The following LOC400499 variants were observed in gnomAD, a reference collection of about 807,000 sequenced individuals.
At chr16:11,444,640 T>C in the LOC400499 span, among the ~76,000 whole-genome samples, 7 of 152,222 alleles carry the variant, frequency 4.6e-5, no homozygotes, top group African/African-American at 1.7e-4. Flanking sequence ...CTGCTCTGGA[T>C]CCTGGCATGC....
the LOC400499 span, among the ~76,000 whole-genome samples, chr16:11,504,338 T>C: frequency 1.3e-5 from 2 of 152,120 alleles, no homozygotes; most frequent in Non-Finnish European, 2.9e-5. Flanking sequence ...GGTGGATCAC[T>C]GGAAGTCAGG....
the LOC400499 span, among the ~76,000 whole-genome samples, chr16:11,513,821 A>G: frequency 8.1e-3 from 1,230 of 152,310 alleles, 19 homozygotes; most frequent in African/African-American, 0.028. Flanking sequence ...AGTGCTCAGC[A>G]CAGCAACTGG....
At chr16:11,474,298 C>G in the LOC400499 span, among the ~76,000 whole-genome samples, 1 of 152,196 alleles carries the variant, frequency 6.6e-6, no homozygotes, top group African/African-American at 2.4e-5. Context: ...TTTCTGGACA[C>G]TGAAATTTCA....
chr16:11,393,355 C>A, the LOC400499 span: 1 of 1,231,452 alleles, frequency 8.1e-7, no homozygotes, highest in Non-Finnish European at 1.0e-6. Context: ...GGGGCCGTGG[C>A]CCAGCTAGCT....
At chr16:11,394,069 G>T in the LOC400499 span, among the ~76,000 whole-genome samples, 37,493 of 152,070 alleles carry the variant, frequency 0.25, 4,970 homozygotes, top group African/African-American at 0.34. Flanking sequence ...TTTAATTGGT[G>T]TTGGGGGCCC....
At chr16:11,468,619 C>T in the LOC400499 span, among the ~76,000 whole-genome samples, 1 of 151,972 alleles carries the variant, frequency 6.6e-6, no homozygotes, top group Non-Finnish European at 1.5e-5. Flanking sequence ...AGCCGTCATA[C>T]CTGGCTTTTT....
the LOC400499 span, among the ~76,000 whole-genome samples, chr16:11,394,833 T>C: frequency 0.24 from 36,553 of 152,058 alleles, 4,650 homozygotes; most frequent in African/African-American, 0.32. Context: ...CCCTAGGACT[T>C]TGAGAGGGAG....
chr16:11,372,175 TCCCAGTGTGTCTAC>T, the LOC400499 span: 1 of 152,198 alleles, frequency 6.6e-6, no homozygotes, highest in African/African-American at 2.4e-5. Flanking sequence ...AAGCATTCAG[TCCCAGTGTGTCTAC>T]CCCAAAGAGA....
At chr16:11,418,118 A>G in the LOC400499 span, among the ~76,000 whole-genome samples, 6 of 152,196 alleles carry the variant, frequency 3.9e-5, no homozygotes, top group Non-Finnish European at 8.8e-5. Context: ...GGCTGGAGAA[A>G]GACTTTGGGA....
At chr16:11,470,088 T>C in the LOC400499 span, among the ~76,000 whole-genome samples, 2 of 152,254 alleles carry the variant, frequency 1.3e-5, no homozygotes, top group South Asian at 4.1e-4. Flanking sequence ...GTTGTTGTTA[T>C]TTTTGGTAGA....
the LOC400499 span, among the ~76,000 whole-genome samples, chr16:11,400,727 C>T: frequency 6.6e-6 from 1 of 152,170 alleles, no homozygotes; most frequent in African/African-American, 2.4e-5. Context: ...AGGCATGAGC[C>T]ACCACGTCCG....
At chr16:11,450,038 C>G in the LOC400499 span, among the ~76,000 whole-genome samples, 1 of 152,226 alleles carries the variant, frequency 6.6e-6, no homozygotes, top group African/African-American at 2.4e-5. Context: ...CCGCTCTTGA[C>G]TCCAACCTGG....
At chr16:11,405,397 A>G in the LOC400499 span, among the ~76,000 whole-genome samples, 2 of 152,184 alleles carry the variant, frequency 1.3e-5, 1 homozygote, top group Non-Finnish European at 2.9e-5. Flanking sequence ...CCAGGGAGAT[A>G]GTCGAGATAG....
the LOC400499 span, among the ~76,000 whole-genome samples, chr16:11,453,020 C>G: frequency 6.6e-6 from 1 of 152,114 alleles, no homozygotes; most frequent in Admixed American, 6.6e-5. Context: ...CACTTTTATT[C>G]CTGAGTTTTC....
At chr16:11,391,648 TCCCC>T in the LOC400499 span, 1 of 1,231,744 alleles carries the variant, frequency 8.1e-7, no homozygotes, top group South Asian at 4.1e-5. Flanking sequence ...GATTGAGCCC[TCCCC>T]CTCCCACACT....
chr16:11,435,036 G>A, the LOC400499 span, among the ~76,000 whole-genome samples: 1,565 of 152,298 alleles, frequency 0.01, 23 homozygotes, highest in African/African-American at 0.036. Context: ...GGGCTGCAAT[G>A]CTGCAATCTT....
the LOC400499 span, chr16:11,448,121 G>C: frequency 6.6e-7 from 1 of 1,510,064 alleles, no homozygotes. Context: ...GCAGGACCAA[G>C]CTGCAGACCT....
chr16:11,483,799 T>TG, the LOC400499 span, among the ~76,000 whole-genome samples: 1 of 151,452 alleles, frequency 6.6e-6, no homozygotes. Context: ...TGTTTGAGCC[T>TG]GGGGGGCAAA....
chr16:11,390,694 G>T, the LOC400499 span, among the ~76,000 whole-genome samples: 17 of 152,190 alleles, frequency 1.1e-4, 1 homozygote, highest in Admixed American at 1.1e-3. Flanking sequence ...AACTTGGATT[G>T]GGGGAGGGTT....
Sources: gnomAD v4.1 joint callset for allele counts (sites outside exome capture counted in the v4.1 genomes callset) on GRCh38, gnomAD v4.1.1 for gene constraint, MANE v1.5 for transcripts.